MARCHF3: variants seen among roughly 807,000 people sequenced by gnomAD.
MARCHF3 encodes the protein membrane associated ring-CH-type finger 3, also known as E3 ubiquitin-protein ligase MARCHF3.
MARCHF3 carries 13 observed loss-of-function variants against 24.2 expected under a neutral mutation model. That is an observed-to-expected ratio of 0.54 (90% CI 0.35 to 0.85). The LOEUF is 0.85. Ranked by LOEUF, MARCHF3 falls within the 40% of genes least tolerant of loss-of-function variation. The pLI, the probability that MARCHF3 is intolerant of heterozygous loss-of-function variation, is 0.01. For synonymous variants in MARCHF3, 144 were observed against 137.3 expected (o/e 1.05, Z -0.34); for missense variants, 276 against 325.0 (o/e 0.85, Z 1.16).
chr5:126,879,720 A>G (rs550437285), intron 3 of MARCHF3, among the ~76,000 whole-genome samples: 27 of 152,214 alleles, frequency 1.8e-4, no homozygotes, highest in Non-Finnish European at 3.5e-4. Context: ...TAGCATTGAA[A>G]CACTCTACAG....
At chr5:126,902,828 G>C (rs1270771851) in intron 3 of MARCHF3, among the ~76,000 whole-genome samples, 1 of 152,052 alleles carries the variant, frequency 6.6e-6, no homozygotes, top group Non-Finnish European at 1.5e-5. Context: ...TTGGGGTGTG[G>C]TCATCAGACA....
intron 1 of MARCHF3, among the ~76,000 whole-genome samples, chr5:126,932,743 TG>T (rs1749519486): frequency 6.6e-6 from 1 of 152,188 alleles, no homozygotes; most frequent in African/African-American, 2.4e-5. Flanking sequence ...TACGGGGCTC[TG>T]GGGAGCTAGG....
chr5:126,954,742 T>TA (rs1042272741), intron 1 of MARCHF3, among the ~76,000 whole-genome samples: 2 of 151,804 alleles, frequency 1.3e-5, no homozygotes, highest in East Asian at 1.9e-4. Flanking sequence ...CTCAGAATTT[T>TA]AAAAAAAGTT....
intron 3 of MARCHF3, among the ~76,000 whole-genome samples, chr5:126,881,825 A>G (rs907249255): frequency 1.3e-5 from 2 of 152,202 alleles, no homozygotes; most frequent in Admixed American, 1.3e-4. Context: ...ATATGTATAT[A>G]TATCACTTGT....
In MARCHF3 at chr5:126,870,688, G is replaced by A. The variant is rs778125453; in HGVS notation, c.707C>T (p.Pro236Leu). 8.7e-6 allele frequency: 14 copies of A among 1,614,182 alleles called. No homozygotes were observed. In the Admixed American group the frequency reaches 1.0e-4, roughly 12 times the overall value. ...PKSVNVPSNQ[P>L]SLLGLHSVKR... ...GACCGAATGGAGGCCCAGCAAGGAC[G>A]GCTGGTTAGAAGGTACATTGACAGA... The change falls in exon 5 of 5, where the codon CCG becomes CTG. Residue 236 changes from proline (P) to leucine (L), a missense_variant. By Grantham distance (98) the Pro-to-Leu change is moderately conservative. Transcript: ENST00000308660.
intron 1 of MARCHF3, among the ~76,000 whole-genome samples, chr5:126,990,990 C>T (rs952173228): frequency 6.6e-5 from 10 of 152,136 alleles, no homozygotes; most frequent in South Asian, 2.1e-4. Context: ...GACAGTGTGG[C>T]GATTTCTCAA....
intron 1 of MARCHF3, among the ~76,000 whole-genome samples, chr5:126,996,969 T>G (rs903009514): frequency 9.2e-5 from 14 of 151,580 alleles, no homozygotes; most frequent in Non-Finnish European, 1.6e-4. Context: ...ATCTGGGGAG[T>G]GAAAAATGAG....
chr5:127,016,666 G>A (rs538273091), intron 1 of MARCHF3, among the ~76,000 whole-genome samples: 1 of 152,142 alleles, frequency 6.6e-6, no homozygotes, highest in Non-Finnish European at 1.5e-5. Context: ...TGGTGGGAGT[G>A]TAAATTAATT....
intron 1 of MARCHF3, among the ~76,000 whole-genome samples, chr5:126,927,590 C>T (rs1375450923): frequency 6.6e-6 from 1 of 152,190 alleles, no homozygotes; most frequent in African/African-American, 2.4e-5. Flanking sequence ...GCCTCTCTTC[C>T]ACACCCCCAC....
chr5:126,877,755 C>A (rs540746121), intron 4 of MARCHF3, among the ~76,000 whole-genome samples: 1 of 152,258 alleles, frequency 6.6e-6, no homozygotes, highest in Non-Finnish European at 1.5e-5. Flanking sequence ...AAATAACCAG[C>A]AGGGAGGATT....
chr5:126,958,720 T>C (rs994700912), intron 1 of MARCHF3, among the ~76,000 whole-genome samples: 8 of 152,142 alleles, frequency 5.3e-5, no homozygotes, highest in Admixed American at 5.2e-4. Context: ...TGAATAGAAA[T>C]TGATTGATTC....
At chr5:126,970,349 A>G (rs1750965419) in intron 1 of MARCHF3, among the ~76,000 whole-genome samples, 1 of 151,762 alleles carries the variant, frequency 6.6e-6, no homozygotes, top group Non-Finnish European at 1.5e-5. Flanking sequence ...CAGCCTCCCA[A>G]CGTGCTGGGA....
intron 3 of MARCHF3, among the ~76,000 whole-genome samples, chr5:126,894,370 T>C (rs1301170638): frequency 2.6e-5 from 4 of 151,836 alleles, no homozygotes; most frequent in African/African-American, 9.7e-5. Flanking sequence ...TAGTTGCAGT[T>C]TCTTCCTAGT....
At chr5:127,022,399 A>G (rs1269461539) in intron 1 of MARCHF3, among the ~76,000 whole-genome samples, 2 of 152,248 alleles carry the variant, frequency 1.3e-5, no homozygotes, top group Non-Finnish European at 2.9e-5. Flanking sequence ...GAAGGACAAC[A>G]GTATTGGAAG....
In MARCHF3 at chr5:126,869,966, T is replaced by C. The variant is rs1752909883; in HGVS notation, c.*667A>G. On this transcript the variant is annotated 3_prime_UTR_variant, in exon 5 of 5. Transcript: ENST00000308660. ...TTCTCACCATATTTTTTTTTCTCCT[T>C]AATGATATTTAAATAAACAGCTCAC... 6.6e-6 allele frequency: 1 copy of C among 152,040 alleles called. No homozygotes were observed. The highest frequency in any genetic ancestry group is 6.5e-5 in the Admixed American group (1 of 15,270). 9.4% of individuals were successfully genotyped at this position (152,040 alleles called of 1,614,324 possible). A position where few individuals can be genotyped will look rare whatever the true frequency, so the allele number is the denominator to read the frequency against.
chr5:127,019,094 A>T (rs1290758548), intron 1 of MARCHF3, among the ~76,000 whole-genome samples: 1 of 152,240 alleles, frequency 6.6e-6, no homozygotes, highest in Non-Finnish European at 1.5e-5. Context: ...TCATACACTT[A>T]TTTAGTACAA....
chr5:127,005,236 AAG>A (rs1752268334), intron 1 of MARCHF3, among the ~76,000 whole-genome samples: 1 of 149,644 alleles, frequency 6.7e-6, no homozygotes, highest in Non-Finnish European at 1.5e-5. Flanking sequence ...ACCCGGGTTC[AAG>A]CAATTCTCCT....
At chr5:127,015,640 A>G (rs186701004) in intron 1 of MARCHF3, among the ~76,000 whole-genome samples, 10 of 152,340 alleles carry the variant, frequency 6.6e-5, no homozygotes, top group Admixed American at 5.9e-4. Flanking sequence ...ATCTGAGGTA[A>G]AGCTATTTTT....
At chr5:126,985,603 G>T (rs1044761021) in intron 1 of MARCHF3, among the ~76,000 whole-genome samples, 1 of 151,714 alleles carries the variant, frequency 6.6e-6, no homozygotes, top group African/African-American at 2.4e-5. Context: ...CGAATAGCTG[G>T]GACTACAGGC....
Sources: gnomAD v4.1 joint callset for allele counts (sites outside exome capture counted in the v4.1 genomes callset) on GRCh38, gnomAD v4.1.1 for gene constraint, MANE v1.5 for transcripts, NCBI Gene and HGNC (gene_info 2026-07-23, HGNC 2026-07-21) for gene names.